The following LDAH variants were observed in gnomAD, a reference collection of about 807,000 sequenced individuals.
LDAH encodes lipid droplet-associated hydrolase.
Under a neutral mutation model 29.6 loss-of-function variants are expected in LDAH, and 26 were observed. The observed-to-expected ratio is 0.88, with a 90% CI of 0.64 to 1.22. The LOEUF (loss-of-function observed/expected upper bound fraction) is 1.22, where lower values mean the gene tolerates loss of function less well. Ranked by LOEUF, LDAH falls within the 50% of genes most tolerant of loss-of-function variation. LDAH has a pLI of 0.00. For missense variants in LDAH, 344 were observed against 387.3 expected (o/e 0.89, Z 0.94); for synonymous variants, 117 against 133.0 (o/e 0.88, Z 0.83).
At chr2:20,822,657 G>T (rs180943382) in intron 1 of LDAH, among the ~76,000 whole-genome samples, 1 of 152,330 alleles carries the variant, frequency 6.6e-6, no homozygotes, top group Non-Finnish European at 1.5e-5. Flanking sequence ...AACGCCGGGG[G>T]CAAAGAACAC....
At chr2:20,817,259 T>C (rs1246041579) in intron 1 of LDAH, among the ~76,000 whole-genome samples, 2 of 151,994 alleles carry the variant, frequency 1.3e-5, no homozygotes, top group Non-Finnish European at 2.9e-5. Context: ...AGCGAGTTCT[T>C]TGAAAAAGGT....
chr2:20,721,959 T>C (rs1665679680), intron 5 of LDAH, among the ~76,000 whole-genome samples: 1 of 152,148 alleles, frequency 6.6e-6, no homozygotes, highest in South Asian at 2.1e-4. Flanking sequence ...TATTCAGCCA[T>C]AAAAAGAATG....
chr2:20,773,602 A>G (rs1441788095), intron 4 of LDAH, among the ~76,000 whole-genome samples: 3 of 152,222 alleles, frequency 2.0e-5, no homozygotes, highest in African/African-American at 7.2e-5. Context: ...ACAATCTTGA[A>G]TTTATTGAAT....
At chr2:20,784,269 G>T (rs932878381) in intron 3 of LDAH, among the ~76,000 whole-genome samples, 1 of 152,032 alleles carries the variant, frequency 6.6e-6, no homozygotes, top group African/African-American at 2.4e-5. Context: ...AGCCAGGCAT[G>T]CTGGCACACA....
intron 1 of LDAH, among the ~76,000 whole-genome samples, chr2:20,816,503 C>G (rs886753987): frequency 2.0e-5 from 3 of 151,672 alleles, no homozygotes; most frequent in African/African-American, 7.3e-5. Flanking sequence ...GACTTCAGAG[C>G]AAAGAAAATT....
chr2:20,730,122 G>T (rs976850170), intron 5 of LDAH, among the ~76,000 whole-genome samples: 4 of 152,130 alleles, frequency 2.6e-5, no homozygotes, highest in African/African-American at 9.7e-5. Flanking sequence ...ATGGACACAG[G>T]TTGCTGTGTG....
intron 3 of LDAH, among the ~76,000 whole-genome samples, chr2:20,778,553 G>C (rs1669970697): frequency 6.6e-6 from 1 of 152,098 alleles, no homozygotes; most frequent in South Asian, 2.1e-4. Flanking sequence ...TACTCTGACA[G>C]AAAACAGTGA....
intron 3 of LDAH, chr2:20,788,970 C>G (rs1670749126): frequency 3.1e-6 from 2 of 647,980 alleles, no homozygotes; most frequent in Non-Finnish European, 5.1e-6. Flanking sequence ...CATTTAGAAA[C>G]CTTCCAGCAT....
intron 5 of LDAH, among the ~76,000 whole-genome samples, chr2:20,709,260 A>C (rs980658725): frequency 2.0e-5 from 3 of 152,194 alleles, no homozygotes; most frequent in African/African-American, 7.2e-5. Flanking sequence ...TTTTGTGTTT[A>C]GACTTGGGTC....
At chr2:20,711,163 C>G (rs4971537) in intron 5 of LDAH, among the ~76,000 whole-genome samples, 2 of 151,606 alleles carry the variant, frequency 1.3e-5, no homozygotes, top group South Asian at 2.1e-4. Flanking sequence ...CTGAGACGGG[C>G]GGATCACAAG....
intron 1 of LDAH, among the ~76,000 whole-genome samples, chr2:20,808,197 C>A (rs1057200515): frequency 6.6e-6 from 1 of 152,078 alleles, no homozygotes; most frequent in Non-Finnish European, 1.5e-5. Flanking sequence ...AATTAAATAA[C>A]GAGGGGACAA....
intron 4 of LDAH, among the ~76,000 whole-genome samples, chr2:20,741,842 C>G (rs549106605): frequency 1.7e-4 from 26 of 152,280 alleles, no homozygotes; most frequent in Middle Eastern, 3.4e-3. Context: ...TGAGTGCATA[C>G]ACATTTTCTT....
At chr2:20,721,778 C>T (rs925916838) in intron 5 of LDAH, among the ~76,000 whole-genome samples, 1 of 152,172 alleles carries the variant, frequency 6.6e-6, no homozygotes, top group Non-Finnish European at 1.5e-5. Flanking sequence ...GTTCAGCAAT[C>T]CCACTGATAG....
chr2:20,737,363 T>C (rs1217638662), intron 5 of LDAH, among the ~76,000 whole-genome samples: 1 of 152,164 alleles, frequency 6.6e-6, no homozygotes, highest in Non-Finnish European at 1.5e-5. Flanking sequence ...GAAAATGGAA[T>C]CCATAACTGA....
intron 4 of LDAH, among the ~76,000 whole-genome samples, chr2:20,740,785 C>A (rs6739730): frequency 0.031 from 4,781 of 152,254 alleles, 253 homozygotes; most frequent in African/African-American, 0.11. Flanking sequence ...TAGATACCTA[C>A]GAGCACAATT....
Position 20,739,974 on chromosome 2 carries a change from G to A in LDAH, c.700C>T (p.Leu234Phe). The change falls in exon 5 of 7, where the codon CTT becomes TTT. Residue 234 changes from leucine (L) to phenylalanine (F), a missense_variant. Transcript: ENST00000237822. The part of the protein sequence containing the change: ...SPLNILEPFC[L>F]ANAAYLGGQE... ...ACATTTTAAAATCTGTGCTTACCAA[G>A]GCAGAATGGTTCTAATATATTCAAT... 1.2e-6 allele frequency: 2 copies of A among 1,608,922 alleles called. No homozygotes were observed. The highest frequency in any genetic ancestry group is 1.7e-6 in the Non-Finnish European group (2 of 1,175,500).
chr2:20,784,913 A>C (rs1378914016), intron 3 of LDAH, among the ~76,000 whole-genome samples: 5 of 151,962 alleles, frequency 3.3e-5, no homozygotes. Context: ...ACAAAAAAAC[A>C]CAAGTTCATC....
intron 5 of LDAH, among the ~76,000 whole-genome samples, chr2:20,723,622 G>C (rs1558413566): frequency 6.6e-6 from 1 of 151,926 alleles, no homozygotes; most frequent in East Asian, 1.9e-4. Context: ...TAGAACACCA[G>C]CTTCTTTTCC....
chr2:20,767,034 T>C (rs946838801), intron 4 of LDAH, among the ~76,000 whole-genome samples: 8 of 152,194 alleles, frequency 5.3e-5, no homozygotes, highest in African/African-American at 1.9e-4. Context: ...AGGTGCGCAC[T>C]GGGCAGGGCC....
Sources: allele counts gnomAD v4.1 joint callset (sites outside exome capture counted in the v4.1 genomes callset), GRCh38; gene constraint gnomAD v4.1.1; transcripts MANE v1.5; gene names NCBI Gene and HGNC (gene_info 2026-07-23, HGNC 2026-07-21).